The following MRTFB variants were observed in gnomAD, a reference collection of about 807,000 sequenced individuals.
MRTFB encodes myocardin related transcription factor B, also known as myocardin-related transcription factor B.
In MRTFB, 29 loss-of-function variants were observed where a neutral mutation model predicts 104.2. The observed-to-expected ratio is 0.28, with a 90% confidence interval of 0.21 to 0.38. MRTFB has a LOEUF of 0.38. MRTFB is among the 10% of genes least tolerant of loss of function. The pLI, the probability that MRTFB is intolerant of heterozygous loss-of-function variation, is 1.00. For missense variants in MRTFB, 1,270 were observed against 1,341.6 expected, an observed-to-expected ratio of 0.95 and a Z score of 0.83; for synonymous variants, 535 against 519.5, an observed-to-expected ratio of 1.03 and a Z score of -0.41.
chr16:14,048,976 T>C, the MRTFB span, among the ~76,000 whole-genome samples: 704 of 152,316 alleles, frequency 4.6e-3, 6 homozygotes, highest in African/African-American at 0.016. Flanking sequence ...TCCACTCTTA[T>C]GGTTTTTGAC....
the MRTFB span, among the ~76,000 whole-genome samples, chr16:13,996,562 C>T: frequency 6.6e-6 from 1 of 152,192 alleles, no homozygotes; most frequent in Non-Finnish European, 1.5e-5. Flanking sequence ...GACTGGGTGA[C>T]AAAATACAGC....
chr16:14,094,193 A>T lies in MRTFB; in HGVS notation c.-64+14839A>T, dbSNP rs150619502. 5.9e-3 allele frequency among the ~76,000 whole-genome samples: 903 copies of T among 152,244 alleles called. 9 individuals carry two copies. The highest frequency in any genetic ancestry group is 0.02 in the African/African-American group (842 of 41,536). ...CTGTTGCACCATGTAAGATGACAAG[A>T]TTGCTTTCAGGTATACAGTATTTCC... On this transcript the variant is annotated intron_variant, in intron 2 of 16. Transcript: ENST00000571589.
At chr16:14,029,422 ATATAT>A in the MRTFB span, among the ~76,000 whole-genome samples, 8 of 37,372 alleles carry the variant, frequency 2.1e-4, no homozygotes, top group African/African-American at 4.4e-4. Context: ...AAAAAAAAAT[ATATAT>A]ATATATATAT....
chr16:14,169,943 A>G (rs1287934211), intron 3 of MRTFB, among the ~76,000 whole-genome samples: 1 of 152,208 alleles, frequency 6.6e-6, no homozygotes, highest in Non-Finnish European at 1.5e-5. Context: ...TTTTTTCATC[A>G]TAGATATAAC....
chr16:14,046,033 G>T, the MRTFB span, among the ~76,000 whole-genome samples: 2 of 152,134 alleles, frequency 1.3e-5, no homozygotes, highest in African/African-American at 4.8e-5. Flanking sequence ...ATTTGGGGCT[G>T]GCGTCTACTT....
At chr16:14,181,825 C>G (rs1341453861) in intron 3 of MRTFB, among the ~76,000 whole-genome samples, 1 of 152,134 alleles carries the variant, frequency 6.6e-6, no homozygotes, top group Admixed American at 6.5e-5. Context: ...TTCTGATTCC[C>G]TGAAGACTTT....
chr16:14,218,716 G>T, intron 7 of MRTFB, 104 bp from the exon 8 acceptor site: 2 of 1,166,786 alleles, frequency 1.7e-6, no homozygotes, highest in Non-Finnish European at 2.4e-6. Flanking sequence ...TTTTTTTTAA[G>T]CAGCTTCATA....
the MRTFB span, among the ~76,000 whole-genome samples, chr16:14,060,566 A>G: frequency 0.024 from 3,590 of 152,034 alleles, 150 homozygotes; most frequent in African/African-American, 0.082. Context: ...ACCACATCCT[A>G]TTGTTCATCA....
intron 2 of MRTFB, among the ~76,000 whole-genome samples, chr16:14,113,399 T>G (rs2036377759): frequency 1.3e-5 from 2 of 152,232 alleles, no homozygotes; most frequent in African/African-American, 4.8e-5. Flanking sequence ...AATTGCCAAA[T>G]AGCAGATGTT....
At chr16:14,178,323 G>T (rs1225310934) in intron 3 of MRTFB, among the ~76,000 whole-genome samples, 1 of 152,116 alleles carries the variant, frequency 6.6e-6, no homozygotes, top group Non-Finnish European at 1.5e-5. Context: ...GGATAGTAGG[G>T]TAGTGTAATC....
chr16:14,228,695 GGATA>G (rs1246758894), intron 8 of MRTFB, among the ~76,000 whole-genome samples: 1 of 152,156 alleles, frequency 6.6e-6, no homozygotes, highest in African/African-American at 2.4e-5. Flanking sequence ...CCAGATGAAT[GGATA>G]AACAAAATGT....
intron 2 of MRTFB, among the ~76,000 whole-genome samples, chr16:14,098,804 C>T (rs1369125226): frequency 6.6e-6 from 1 of 152,172 alleles, no homozygotes; most frequent in Non-Finnish European, 1.5e-5. Flanking sequence ...TTGCATATGG[C>T]TATTTAGTTG....
chr16:14,019,644 C>A, the MRTFB span, among the ~76,000 whole-genome samples: 1 of 152,234 alleles, frequency 6.6e-6, no homozygotes, highest in Admixed American at 6.5e-5. Flanking sequence ...GCAGTGCAAG[C>A]TTCACGTCCT....
rs548012649 is a variant in MRTFB at position 14,113,087 on chromosome 16, A to G, written c.-63-27457A>G. Among the ~76,000 whole-genome samples the G allele has an allele frequency of 5.3e-4, 81 of 152,362 alleles. 1 individual carries two copies. The highest frequency in any genetic ancestry group is 1.8e-3 in the African/African-American group (76 of 41,582). Reference sequence around the variant, plus strand: ...AGACAGAGTTTCACTCTTGTTGCCTAGGCTGGAGTGCAATGGCGTGATCTC... The same window carrying G: ...AGACAGAGTTTCACTCTTGTTGCCTGGGCTGGAGTGCAATGGCGTGATCTC... On this transcript the variant is annotated intron_variant, in intron 2 of 16. Coordinates refer to ENST00000571589, the MANE Select transcript of MRTFB (RefSeq NM_001308142.2).
chr16:14,222,644 T>A (rs2041788084), intron 8 of MRTFB, among the ~76,000 whole-genome samples: 3 of 151,638 alleles, frequency 2.0e-5, no homozygotes, highest in Non-Finnish European at 4.4e-5. Flanking sequence ...TCCAGCACTT[T>A]GAGATGCCAA....
chr16:14,099,461 C>T (rs569714939), intron 2 of MRTFB, among the ~76,000 whole-genome samples: 38 of 150,840 alleles, frequency 2.5e-4, no homozygotes, highest in African/African-American at 6.8e-4. Flanking sequence ...CTGCAACCTC[C>T]GCCTCCTTGG....
the MRTFB span, among the ~76,000 whole-genome samples, chr16:14,037,389 C>T: frequency 6.6e-6 from 1 of 152,112 alleles, no homozygotes; most frequent in Non-Finnish European, 1.5e-5. Context: ...TTATTTTGAG[C>T]TTGACAGGTT....
At chr16:14,116,921 G>A (rs1364196861) in intron 2 of MRTFB, among the ~76,000 whole-genome samples, 7 of 152,052 alleles carry the variant, frequency 4.6e-5, no homozygotes, top group Admixed American at 1.3e-4. Context: ...GGTACACATG[G>A]GTCACCTTAT....
intron 8 of MRTFB, among the ~76,000 whole-genome samples, chr16:14,226,546 A>T (rs2042011292): frequency 6.6e-6 from 1 of 152,238 alleles, no homozygotes; most frequent in Non-Finnish European, 1.5e-5. Context: ...ATAGACAAAG[A>T]TCTAAATATA....
Sources: allele counts gnomAD v4.1 joint callset (sites outside exome capture counted in the v4.1 genomes callset), GRCh38; gene constraint gnomAD v4.1.1; transcripts MANE v1.5; gene names NCBI Gene and HGNC (gene_info 2026-07-23, HGNC 2026-07-21).